Variants in TCF4 observed in about 807,000 individuals in gnomAD.
The protein encoded by TCF4 is transcription factor 4.
In TCF4, 3 loss-of-function variants were observed where a neutral mutation model predicts 82.1. That is an observed-to-expected ratio of 0.04 (90% CI 0.02 to 0.09). TCF4 has a LOEUF of 0.09. TCF4 is among the 10% of genes least tolerant of loss of function. TCF4 has a pLI of 1.00. For missense variants in TCF4, 518 were observed against 852.7 expected, an observed-to-expected ratio of 0.61 and a Z score of 4.89; for synonymous variants, 276 against 309.6, an observed-to-expected ratio of 0.89 and a Z score of 1.14.
At chr18:55,405,288 C>T (rs1348870204) in intron 5 of TCF4, among the ~76,000 whole-genome samples, 2 of 152,170 alleles carry the variant, frequency 1.3e-5, no homozygotes, top group African/African-American at 4.8e-5. Context: ...ATCACCATTA[C>T]ATCACTTACT....
intron 3 of TCF4, chr18:55,492,112 T>G (rs932487381): frequency 1.3e-5 from 2 of 152,142 alleles, no homozygotes; most frequent in Non-Finnish European, 2.9e-5. Flanking sequence ...TTCCCCTTTA[T>G]GTCAATCTCA....
At chr18:55,261,656 T>C (rs2058104480) in intron 11 of TCF4, 123 bp from the exon 12 acceptor site, 2 of 1,041,084 alleles carry the variant, frequency 1.9e-6, no homozygotes, top group South Asian at 1.3e-5. Flanking sequence ...CATTAATCTT[T>C]AATTAGCATT....
intron 3 of TCF4, among the ~76,000 whole-genome samples, chr18:55,512,577 T>C (rs2096839265): frequency 6.6e-6 from 1 of 152,082 alleles, no homozygotes; most frequent in South Asian, 2.1e-4. Flanking sequence ...TATATATGTG[T>C]ATGGTGTCTA....
chr18:55,311,853 A>G (rs1232499128), intron 8 of TCF4, among the ~76,000 whole-genome samples: 1 of 152,240 alleles, frequency 6.6e-6, no homozygotes, highest in African/African-American at 2.4e-5. Context: ...GGAATAAACA[A>G]GTTTGAGTAA....
chr18:55,412,347 CTGTT>C (rs901018509), intron 5 of TCF4, among the ~76,000 whole-genome samples: 10 of 144,472 alleles, frequency 6.9e-5, no homozygotes, highest in Non-Finnish European at 1.3e-4. Context: ...ATAATGAAGG[CTGTT>C]TTTTTTTTTT....
intron 6 of TCF4, among the ~76,000 whole-genome samples, chr18:55,353,274 A>C (rs2082690525): frequency 6.6e-6 from 1 of 152,214 alleles, no homozygotes; most frequent in Non-Finnish European, 1.5e-5. Flanking sequence ...GCTGTGGTTG[A>C]CCTTATTGTT....
At chr18:55,235,839 C>T (rs1401954137) in intron 15 of TCF4, among the ~76,000 whole-genome samples, 1 of 151,964 alleles carries the variant, frequency 6.6e-6, no homozygotes, top group Non-Finnish European at 1.5e-5. Context: ...AAATATGAAA[C>T]CAGAAAGGAG....
At chr18:55,361,455 G>A (rs1270113593) in intron 6 of TCF4, among the ~76,000 whole-genome samples, 2 of 152,148 alleles carry the variant, frequency 1.3e-5, no homozygotes, top group African/African-American at 4.8e-5. Flanking sequence ...AATTGCTCAC[G>A]GTTCCCTAAT....
intron 16 of TCF4, among the ~76,000 whole-genome samples, chr18:55,232,939 A>G (rs1389682141): frequency 1.3e-5 from 2 of 152,250 alleles, no homozygotes; most frequent in African/African-American, 4.8e-5. Context: ...AATTGCAATG[A>G]AAATCATAAT....
rs541691697 is a variant in TCF4, at chr18:55,467,415, G to C, written c.146-3278C>G. Among the ~76,000 whole-genome samples the C allele has an allele frequency of 7.9e-5, 12 of 152,154 alleles. No homozygotes were observed. The South Asian group carries it at 2.3e-3, about 29-fold the overall frequency. On this transcript the variant is annotated intron_variant, in intron 3 of 19. Coordinates refer to ENST00000354452, the MANE Select transcript of TCF4 (RefSeq NM_001083962.2). ...TTTTTAAATTGGCTTATTAGGGTCCGTCTCATATCTACTCAGTCTGAAACT... is the reference window on the plus strand; with the variant it reads ...TTTTTAAATTGGCTTATTAGGGTCCCTCTCATATCTACTCAGTCTGAAACT...
At chr18:55,432,819 T>C (rs1233772476) in intron 5 of TCF4, among the ~76,000 whole-genome samples, 2 of 152,246 alleles carry the variant, frequency 1.3e-5, no homozygotes, top group African/African-American at 4.8e-5. Flanking sequence ...AGGCCAGCAG[T>C]GTGCTTGGCA....
intron 5 of TCF4, among the ~76,000 whole-genome samples, chr18:55,411,939 C>T (rs1366987141): frequency 2.0e-5 from 3 of 152,056 alleles, no homozygotes; most frequent in Non-Finnish European, 4.4e-5. Context: ...TGGGGTTTCA[C>T]CATGTTGGTC....
At chr18:55,254,920 A>C (rs936167692) in intron 14 of TCF4, among the ~76,000 whole-genome samples, 3 of 152,242 alleles carry the variant, frequency 2.0e-5, no homozygotes, top group African/African-American at 7.2e-5. Flanking sequence ...TGAACAAACT[A>C]AATTCAATAA....
intron 6 of TCF4, among the ~76,000 whole-genome samples, chr18:55,356,932 AT>A (rs2083699067): frequency 6.6e-6 from 1 of 152,162 alleles, no homozygotes; most frequent in African/African-American, 2.4e-5. Flanking sequence ...ATTCAAATAC[AT>A]TGTCTTTCCT....
intron 8 of TCF4, among the ~76,000 whole-genome samples, chr18:55,320,225 TTA>T (rs2075157572): frequency 6.6e-6 from 1 of 152,168 alleles, no homozygotes; most frequent in African/African-American, 2.4e-5. Context: ...ATCCCAATAT[TTA>T]TGTTTACAGA....
intron 3 of TCF4, among the ~76,000 whole-genome samples, chr18:55,563,472 T>C (rs2097373198): frequency 6.6e-6 from 1 of 152,224 alleles, no homozygotes; most frequent in Non-Finnish European, 1.5e-5. Context: ...CTGCACTCTC[T>C]AGAACTTGAC....
Position 55,250,292 on chromosome 18 carries a change from T to C in TCF4, c.1350+4205A>G, listed in dbSNP as rs116843573. ...GATAATGTGGGTTTTAATCCAAGCA[T>C]GCCACCACTTTGGAGGGAAAGTTCT... On this transcript the variant is annotated intron_variant, in intron 15 of 19. Coordinates refer to ENST00000354452, the MANE Select transcript of TCF4 (RefSeq NM_001083962.2). Among the ~76,000 whole-genome samples, 126 of 152,344 alleles carry C rather than the reference T, an allele frequency of 8.3e-4. 1 individual carries two copies. Among genetic ancestry groups the C allele is most frequent in the Non-Finnish European group, 1.4e-3 (98 of 68,020 alleles).
chr18:55,587,575 C>G (rs1321288488), intron 1 of TCF4, among the ~76,000 whole-genome samples: 1 of 151,348 alleles, frequency 6.6e-6, no homozygotes, highest in Non-Finnish European at 1.5e-5. Context: ...TGCACCCCAC[C>G]CCCCTCGCAC....
chr18:55,254,345 A>G, intron 15 of TCF4, 152 bp downstream of exon 15: 2 of 746,498 alleles, frequency 2.7e-6, no homozygotes, highest in East Asian at 5.4e-5. Context: ...ACACTAAAAC[A>G]CTTGAATTGT....
Sources: allele counts gnomAD v4.1 joint callset (sites outside exome capture counted in the v4.1 genomes callset), GRCh38; gene constraint gnomAD v4.1.1; transcripts MANE v1.5; gene names NCBI Gene and HGNC (gene_info 2026-07-23, HGNC 2026-07-21).